The following DENND1A variants were observed in gnomAD, a reference collection of about 807,000 sequenced individuals.
DENND1A encodes the protein DENN domain containing 1A.
A neutral mutation model predicts 113.7 loss-of-function variants in DENND1A; 51 were observed. The ratio of observed to expected loss-of-function variants is 0.45; its 90% confidence interval spans 0.36 to 0.57. The LOEUF is 0.57. DENND1A is among the 20% of genes least tolerant of loss of function. The pLI is 0.00. For missense variants in DENND1A, 1,258 were observed against 1,395.9 expected (o/e 0.90, Z 1.57); for synonymous variants, 565 against 570.8 (o/e 0.99, Z 0.14).
chr9:123,531,401 C>T (rs139438183), intron 13 of DENND1A, among the ~76,000 whole-genome samples: 2 of 152,090 alleles, frequency 1.3e-5, no homozygotes, highest in African/African-American at 4.8e-5. Context: ...GAGTCTTTTT[C>T]TTCCTTTCAC....
intron 12 of DENND1A, among the ~76,000 whole-genome samples, chr9:123,572,523 G>A (rs1274045413): frequency 6.6e-6 from 1 of 152,148 alleles, no homozygotes; most frequent in Non-Finnish European, 1.5e-5. Flanking sequence ...GTACCAGTGG[G>A]TATGCAGTAG....
chr9:123,445,115 C>A (rs551625720), intron 18 of DENND1A, among the ~76,000 whole-genome samples: 76 of 152,204 alleles, frequency 5.0e-4, no homozygotes, highest in Admixed American at 9.8e-4. Context: ...AACCTCCAGC[C>A]CTCTGAGAAG....
intron 5 of DENND1A, among the ~76,000 whole-genome samples, chr9:123,709,941 A>G (rs1739252219): frequency 6.6e-6 from 1 of 152,232 alleles, no homozygotes; most frequent in African/African-American, 2.4e-5. Flanking sequence ...CCCTAGTCAC[A>G]ACTCAATGAA....
chr9:123,420,980 C>T (rs973134850), intron 19 of DENND1A, among the ~76,000 whole-genome samples: 13 of 150,954 alleles, frequency 8.6e-5, no homozygotes, highest in African/African-American at 2.0e-4. Context: ...GCACCAGATG[C>T]GGCTGGTGCC....
At chr9:123,776,373 G>A (rs1830472557) in intron 3 of DENND1A, among the ~76,000 whole-genome samples, 1 of 152,096 alleles carries the variant, frequency 6.6e-6, no homozygotes, top group South Asian at 2.1e-4. Flanking sequence ...TTTTAAATAT[G>A]TTCAAACATA....
intron 9 of DENND1A, among the ~76,000 whole-genome samples, chr9:123,637,931 A>G (rs10548358): frequency 1.1e-5 from 1 of 92,106 alleles, no homozygotes; most frequent in South Asian, 4.4e-4. Flanking sequence ...ACACACACAC[A>G]CGCACACACA....
chr9:123,733,051 G>C lies in DENND1A; in HGVS notation c.302+24652C>G, dbSNP rs185741188. On this transcript the variant is annotated intron_variant, in intron 5 of 23. Coordinates refer to ENST00000394215, the MANE Select transcript of DENND1A (RefSeq NM_001352964.2). ...GGCTGGAGTGCAATGGCGCGATCTC[G>C]GCTCACCGCAACCTCTGCCTCCTGG... Among the ~76,000 whole-genome samples the C allele has an allele frequency of 5.4e-5, 8 of 149,360 alleles. No homozygotes were observed. In the South Asian group the frequency reaches 1.3e-3, roughly 24 times the overall value.
At chr9:123,599,285 C>G (rs2059838904) in intron 11 of DENND1A, among the ~76,000 whole-genome samples, 1 of 152,176 alleles carries the variant, frequency 6.6e-6, no homozygotes, top group Non-Finnish European at 1.5e-5. Flanking sequence ...AAAGAGAGAT[C>G]TATAGACTCC....
At chr9:123,903,331 CAAAAAAAAAAAA>C (rs869154918) in intron 1 of DENND1A, among the ~76,000 whole-genome samples, 9 of 27,010 alleles carry the variant, frequency 3.3e-4, no homozygotes, top group Non-Finnish European at 5.9e-4. Context: ...GACTCCGTCT[CAAAAAAAAAAAA>C]AAAAAAAAAA....
intron 2 of DENND1A, among the ~76,000 whole-genome samples, chr9:123,821,263 G>T (rs181237321): frequency 6.6e-6 from 1 of 152,120 alleles, no homozygotes; most frequent in Non-Finnish European, 1.5e-5. Context: ...ACAATAGACT[G>T]AAATATAATA....
chr9:123,442,355 G>A (rs1208207198), intron 18 of DENND1A, among the ~76,000 whole-genome samples: 2 of 152,092 alleles, frequency 1.3e-5, no homozygotes, highest in African/African-American at 4.8e-5. Context: ...AGAGGCTGTC[G>A]ATGGCCAAAC....
chr9:123,551,932 G>A (rs1202357902), intron 13 of DENND1A, among the ~76,000 whole-genome samples: 1 of 151,964 alleles, frequency 6.6e-6, no homozygotes, highest in East Asian at 1.9e-4. Context: ...AGAAAACAAA[G>A]CTCAGGAGTC....
At chr9:123,784,383 A>G (rs933330779) in intron 3 of DENND1A, among the ~76,000 whole-genome samples, 2 of 152,212 alleles carry the variant, frequency 1.3e-5, no homozygotes, top group African/African-American at 4.8e-5. Context: ...GGAAGAGTCC[A>G]TGTGAGAGAA....
intron 2 of DENND1A, among the ~76,000 whole-genome samples, chr9:123,821,097 C>A (rs920567832): frequency 1.3e-5 from 2 of 152,218 alleles, no homozygotes; most frequent in African/African-American, 4.8e-5. Context: ...ACTGTTTTGA[C>A]AACTTTATCA....
At chr9:123,670,899 C>T (rs1423757498) in intron 7 of DENND1A, among the ~76,000 whole-genome samples, 2 of 152,134 alleles carry the variant, frequency 1.3e-5, no homozygotes, top group Non-Finnish European at 2.9e-5. Context: ...ATGTTGAAAG[C>T]TGAGGGTACA....
intron 20 of DENND1A, among the ~76,000 whole-genome samples, chr9:123,409,538 A>G (rs2044141273): frequency 6.6e-6 from 1 of 151,314 alleles, no homozygotes; most frequent in African/African-American, 2.4e-5. Flanking sequence ...GGGTCCAGAG[A>G]GCTTGGAATA....
intron 11 of DENND1A, among the ~76,000 whole-genome samples, chr9:123,591,263 C>A (rs775705170): frequency 2.0e-5 from 3 of 152,200 alleles, no homozygotes; most frequent in African/African-American, 4.8e-5. Flanking sequence ...GCTGCCCACA[C>A]AGATTGGTGC....
chr9:123,863,201 T>C (rs1229349599), intron 2 of DENND1A, among the ~76,000 whole-genome samples: 1 of 152,176 alleles, frequency 6.6e-6, no homozygotes, highest in African/African-American at 2.4e-5. Context: ...ACGAAATGTA[T>C]GATCCCCAGG....
At chr9:123,458,266 G>T (rs1252521751) in intron 13 of DENND1A, among the ~76,000 whole-genome samples, 1 of 152,086 alleles carries the variant, frequency 6.6e-6, no homozygotes, top group South Asian at 2.1e-4. Context: ...CTTCCAAAGT[G>T]CTGGGATTAC....
Sources: gnomAD v4.1 joint callset for allele counts (sites outside exome capture counted in the v4.1 genomes callset) on GRCh38, gnomAD v4.1.1 for gene constraint, MANE v1.5 for transcripts, NCBI Gene and HGNC (gene_info 2026-07-23, HGNC 2026-07-21) for gene names.